Variants in STK11IP observed in about 807,000 individuals in gnomAD.
STK11IP encodes serine/threonine kinase 11 interacting protein.
Under a neutral mutation model 131.7 loss-of-function variants are expected in STK11IP, and 103 were observed. The ratio of observed to expected loss-of-function variants is 0.78; its 90% CI spans 0.67 to 0.92. STK11IP has a LOEUF of 0.92. Among genes scored for constraint, STK11IP ranks in the 40% least tolerant of loss-of-function variants. The probability of loss-of-function intolerance (pLI) is 0.00; values close to 1 mark genes in which losing one functional copy is unlikely to be tolerated. For missense variants in STK11IP, 1,315 were observed against 1,385.7 expected (o/e 0.95, Z 0.81); for synonymous variants, 557 against 575.6 (o/e 0.97, Z 0.46).
In STK11IP at chr2:219,602,070, T is replaced by A. The variant is rs745705625; in HGVS notation, c.425T>A (p.Leu142His). The A allele has an allele frequency of 6.2e-7, 1 of 1,605,486 alleles. No homozygotes were observed. Among genetic ancestry groups the A allele is most frequent in the Admixed American group, 1.7e-5 (1 of 58,722 alleles). Reference sequence around the variant, plus strand: ...GAGACCCTGATTTGCAGCAGGAGCCTCCAGGCATTAGAGGTAAGGAGAGTG... The same window carrying A: ...GAGACCCTGATTTGCAGCAGGAGCCACCAGGCATTAGAGGTAAGGAGAGTG... ...QLETLICSRS[L>H]QALEELLSAC... is the part of the protein sequence containing the mutation. Residue 142 changes from leucine (L) to histidine (H), a missense_variant, in exon 5 of 25, where the codon CTC becomes CAC. By Grantham distance (99) the Leu-to-His change is moderately conservative. Transcript: ENST00000456909.
Position 219,606,002 on chromosome 2 carries a change from C to G in STK11IP, c.792C>G (p.Asn264Lys), listed in dbSNP as rs1402892631. ...TGCGGCACCTGGATTTGGCATACAA[C>G]CTGCTGGAAGGACACCGGGAGCTGT... is the stretch of plus-strand genomic sequence containing the variant. ...RNLRHLDLAYNLLEGHRELSP... is the reference protein window; with the variant it reads ...RNLRHLDLAYKLLEGHRELSP... The change falls in exon 9 of 25, where the codon AAC becomes AAG. Residue 264 changes from asparagine (N) to lysine (K), a missense_variant. Physicochemically the swap from Asn to Lys is moderately conservative, Grantham distance 94. Coordinates refer to ENST00000456909, the MANE Select transcript of STK11IP (RefSeq NM_052902.4). 1 of 1,609,848 alleles carries G rather than the reference C, an allele frequency of 6.2e-7. No individual in the cohort carries two copies.
chr2:219,616,107 C>T lies in STK11IP; in HGVS notation c.3181C>T (p.Leu1061Phe). Residue 1061 changes from leucine (L) to phenylalanine (F), a missense_variant, in exon 25 of 25, where the codon CTT becomes TTT. By Grantham distance (22) the Leu-to-Phe change is conservative. Coordinates refer to ENST00000456909, the MANE Select transcript of STK11IP (RefSeq NM_052902.4). Reference protein sequence around the residue: ...VVCQEQLTALLAWIREPWEEL... With the variant: ...VVCQEQLTALFAWIREPWEEL... ...GTGTCAGGAGCAGCTGACAGCCCTGCTTGCCTGGATCCGGGAACCATGGGA... is the reference window on the plus strand; with the variant it reads ...GTGTCAGGAGCAGCTGACAGCCCTGTTTGCCTGGATCCGGGAACCATGGGA... The T allele has an allele frequency of 9.3e-6, 15 of 1,613,870 alleles. No homozygotes were observed. The highest frequency in any genetic ancestry group is 1.3e-5 in the Non-Finnish European group (15 of 1,179,890).
chr2:219,604,394 C>G (rs973154744), intron 7 of STK11IP, among the ~76,000 whole-genome samples: 3 of 152,138 alleles, frequency 2.0e-5, no homozygotes, highest in Non-Finnish European at 4.4e-5. Context: ...TGAGAACCTC[C>G]TCTAATTCAG....
chr2:219,614,177 GC>G lies in STK11IP; in HGVS notation c.2738del (p.Pro913LeufsTer55). 1 of 1,613,480 alleles carries G rather than the reference GC, an allele frequency of 6.2e-7. No homozygotes were observed. The highest frequency in any genetic ancestry group is 8.5e-7 in the Non-Finnish European group (1 of 1,179,738). On this transcript the variant is annotated frameshift_variant, in exon 22 of 25. Transcript: ENST00000456909. LOFTEE classifies it high-confidence loss of function. ...EELLDVLQSL[P>X]PAWRNCVSAT... ...TCTGTCTAGATGTCTTGCAGTCTCTGCCCCCTGCCTGGAGGAACTGTGTCAG... is the reference window on the plus strand; with the variant it reads ...TCTGTCTAGATGTCTTGCAGTCTCTGCCCCTGCCTGGAGGAACTGTGTCAG...
intron 17 of STK11IP, 108 bp from the exon 18 acceptor site, chr2:219,611,496 G>A (rs1698393396): frequency 3.2e-6 from 3 of 946,516 alleles, no homozygotes; most frequent in Non-Finnish European, 5.0e-6. Flanking sequence ...GAAGCTGGAG[G>A]CTTGGGCTCA....
intron 15 of STK11IP, 74 bp from the exon 16 acceptor site, chr2:219,609,023 T>C: frequency 8.1e-7 from 1 of 1,230,576 alleles, no homozygotes; most frequent in Non-Finnish European, 1.2e-6. Context: ...CCATCCTCCA[T>C]GCTCTCAGCA....
In STK11IP at chr2:219,602,568, G is replaced by A; in HGVS notation, c.539G>A (p.Ser180Asn). ...FSYNALTALD[S>N]SLRLLSALRF... Reference sequence around the variant, plus strand: ...TACAATGCACTGACCGCCTTAGACAGCTCCCTGGTGAGTGCCTCAGAGGGA... The same window carrying A: ...TACAATGCACTGACCGCCTTAGACAACTCCCTGGTGAGTGCCTCAGAGGGA... Residue 180 changes from serine (S) to asparagine (N), a missense_variant, in exon 6 of 25, where the codon AGC becomes AAC. By Grantham distance (46) the Ser-to-Asn change is conservative. Transcript: ENST00000456909. The A allele has an allele frequency of 1.1e-5, 17 of 1,613,902 alleles. No individual in the cohort carries two copies. The highest frequency in any genetic ancestry group is 1.4e-5 in the Non-Finnish European group (16 of 1,179,778).
At chr2:219,599,438 A>T (rs570311096) in intron 2 of STK11IP, among the ~76,000 whole-genome samples, 2 of 152,172 alleles carry the variant, frequency 1.3e-5, no homozygotes, top group Non-Finnish European at 2.9e-5. Context: ...CAAATGTCTT[A>T]TATCCTTCTC....
Position 219,597,880 on chromosome 2 carries a change from C to G in STK11IP, c.-70C>G, listed in dbSNP as rs963194754. 6 of 1,606,436 alleles carry G rather than the reference C, an allele frequency of 3.7e-6. No homozygotes were observed. In the East Asian group the frequency reaches 1.1e-4, roughly 30 times the overall value. ...GGACTTCCTTTCCATCATTGATAGG[C>G]GCCGGGCAGCTGAGCTGGTAGGAGG... On this transcript the variant is annotated 5_prime_UTR_variant, in exon 1 of 25. Transcript: ENST00000456909.
rs145721442 is a variant in STK11IP at position 219,606,451 on chromosome 2, C to T, written c.946-25C>T. 56 of 1,607,598 alleles carry T rather than the reference C, an allele frequency of 3.5e-5. No individual in the cohort carries two copies. In the African/African-American group the frequency reaches 5.3e-4, roughly 15 times the overall value. ...AGCAGGATGGGCCTACCACATACTC[C>T]CTCCCCCTTTTTGTCTTTGCTCAGT... On this transcript the variant is annotated intron_variant, in intron 10 of 24. Coordinates refer to ENST00000456909, the MANE Select transcript of STK11IP (RefSeq NM_052902.4).
At chr2:219,605,849 G>C in intron 8 of STK11IP, 107 bp from the exon 9 acceptor site, 1 of 1,487,230 alleles carries the variant, frequency 6.7e-7, no homozygotes, top group Non-Finnish European at 9.1e-7. Flanking sequence ...GGGAGTGCAG[G>C]GGTGCTCTGG....
chr2:219,599,839 G>C (rs1697921684), intron 2 of STK11IP, among the ~76,000 whole-genome samples: 1 of 149,488 alleles, frequency 6.7e-6, no homozygotes, highest in Non-Finnish European at 1.5e-5. Context: ...CCAGGTTGAA[G>C]TGATTCTTCT....
At chr2:219,612,638 T>C (rs2106164942) in intron 19 of STK11IP, among the ~76,000 whole-genome samples, 1 of 152,250 alleles carries the variant, frequency 6.6e-6, no homozygotes, top group East Asian at 1.9e-4. Flanking sequence ...AAGCCGCAAA[T>C]GCATGGAGGC....
At position 219,611,787 on chromosome 2, in the gene STK11IP, C is replaced by G. The variant is rs763648179; in HGVS notation, c.2288C>G (p.Pro763Arg). The part of the protein sequence containing the change: ...DHLDRAKNSP[P>R]QAPSTRDHGS... ...CTTGACAGGGCCAAGAACAGCCCACCTCAGGCACCGAGCACCCGTGACCAT... is the reference window on the plus strand; with the variant it reads ...CTTGACAGGGCCAAGAACAGCCCACGTCAGGCACCGAGCACCCGTGACCAT... Residue 763 changes from proline (P) to arginine (R), a missense_variant, in exon 18 of 25, where the codon CCT becomes CGT. Coordinates refer to ENST00000456909, the MANE Select transcript of STK11IP (RefSeq NM_052902.4). 8.7e-6 allele frequency: 14 copies of G among 1,613,056 alleles called. No individual in the cohort carries two copies. In the Admixed American group the frequency reaches 1.5e-4, roughly 17 times the overall value.
At position 219,609,202 on chromosome 2, in the gene STK11IP, GC is replaced by G. The variant is rs1183186602; in HGVS notation, c.1916del (p.Ala639GlufsTer10). ...RYLVLEPDAH[A>X]AVQELLAVLT... ...TTTGGTGCTGGAGCCTGATGCCCAC[GC>G]AGCTGTCCAGGTGATGGCGCCCAGA... On this transcript the variant is annotated frameshift_variant, in exon 16 of 25. Transcript: ENST00000456909. LOFTEE classifies it high-confidence loss of function. The G allele has an allele frequency of 6.2e-7, 1 of 1,603,482 alleles. No homozygotes were observed. The highest frequency in any genetic ancestry group is 8.5e-7 in the Non-Finnish European group (1 of 1,175,186).
At chr2:219,613,643 C>T (rs1318872420) in intron 20 of STK11IP, 109 bp from the exon 21 acceptor site, 12 of 1,271,384 alleles carry the variant, frequency 9.4e-6, no homozygotes, top group African/African-American at 4.5e-5. Flanking sequence ...GTGTGGTGAG[C>T]GCACGGGGGT....
At position 219,611,957 on chromosome 2, in the gene STK11IP, C is replaced by T. The variant is rs1698411673; in HGVS notation, c.2338C>T (p.Pro780Ser). 6.3e-7 allele frequency: 1 copy of T among 1,593,248 alleles called. No homozygotes were observed. Among genetic ancestry groups the T allele is most frequent in the Non-Finnish European group, 8.5e-7 (1 of 1,170,696 alleles). The change falls in exon 19 of 25, where the codon CCT (proline) becomes TCT (serine). Residue 780 changes from proline to serine, a missense_variant and splice_region_variant. Pro to Ser is a moderately conservative substitution (Grantham distance 74). Transcript: ENST00000456909. ...TGATGCCCCCTCATTGCCCTCAGCC[C>T]CTGAGCGCTGTGGCCTCCGCTCTGT... The part of the protein sequence containing the change: ...DHGSWSLSPP[P>S]ERCGLRSVDH...
In STK11IP at chr2:219,606,017, C is replaced by G; in HGVS notation, c.807C>G (p.His269Gln). 6.2e-7 allele frequency: 1 copy of G among 1,609,200 alleles called. No individual in the cohort carries two copies. Among genetic ancestry groups the G allele is most frequent in the Non-Finnish European group, 8.5e-7 (1 of 1,177,912 alleles). Residue 269 changes from histidine to glutamine, a missense_variant, in exon 9 of 25, where the codon CAC becomes CAG. Coordinates refer to ENST00000456909, the MANE Select transcript of STK11IP (RefSeq NM_052902.4). Reference protein sequence around the residue: ...LDLAYNLLEGHRELSPLWLLA... With the variant: ...LDLAYNLLEGQRELSPLWLLA... ...TGGCATACAACCTGCTGGAAGGACA[C>G]CGGGAGCTGTCACCACTGTGGCTGC... is the stretch of plus-strand genomic sequence containing the variant.
intron 23 of STK11IP, 91 bp downstream of exon 23, chr2:219,614,637 T>G (rs993729884): frequency 7.8e-7 from 1 of 1,274,816 alleles, no homozygotes; most frequent in African/African-American, 1.5e-5. Flanking sequence ...TACAGTGCCC[T>G]TGCAGCAACT....
Sources: allele counts gnomAD v4.1 joint callset (sites outside exome capture counted in the v4.1 genomes callset), GRCh38; gene constraint gnomAD v4.1.1; transcripts MANE v1.5; gene names NCBI Gene and HGNC (gene_info 2026-07-23, HGNC 2026-07-21).